The following KIRREL3 variants were observed in gnomAD, a reference collection of about 807,000 sequenced individuals.
KIRREL3 encodes the protein kin of IRRE-like protein 3.
A neutral mutation model predicts 89.7 loss-of-function variants in KIRREL3; 36 were observed. The ratio of observed to expected loss-of-function variants is 0.40; its 90% CI spans 0.31 to 0.53. KIRREL3 has a LOEUF of 0.53. KIRREL3 is among the 20% of genes least tolerant of loss of function. The probability of loss-of-function intolerance (pLI) is 0.49; values close to 1 mark genes in which losing one functional copy is unlikely to be tolerated. For synonymous variants in KIRREL3, 445 were observed against 441.4 expected (o/e 1.01, Z -0.10); for missense variants, 864 against 1,056.6 (o/e 0.82, Z 2.53).
intron 1 of KIRREL3, among the ~76,000 whole-genome samples, chr11:126,770,147 G>T (rs574677969): frequency 1.3e-5 from 2 of 152,050 alleles, no homozygotes; most frequent in Non-Finnish European, 2.9e-5. Context: ...GCCTGAGTTG[G>T]GGGGGAATTT....
chr11:126,804,443 C>G (rs189563603), intron 1 of KIRREL3, among the ~76,000 whole-genome samples: 476 of 152,276 alleles, frequency 3.1e-3, no homozygotes, highest in Non-Finnish European at 5.3e-3. Context: ...CTGAAAGATT[C>G]TCTCCTATGG....
intron 1 of KIRREL3, among the ~76,000 whole-genome samples, chr11:126,821,499 G>T (rs1167040860): frequency 2.0e-5 from 3 of 151,166 alleles, no homozygotes; most frequent in Non-Finnish European, 4.4e-5. Flanking sequence ...TAACTATTAG[G>T]GTCCCCAGCT....
At position 126,454,123 on chromosome 11, in the gene KIRREL3, C is replaced by G. The variant is rs1956265507; in HGVS notation, c.848+2226G>C. Among the ~76,000 whole-genome samples, 1 of 152,200 alleles carries G rather than the reference C, an allele frequency of 6.6e-6. No individual in the cohort carries two copies. The highest frequency in any genetic ancestry group is 1.5e-5 in the Non-Finnish European group (1 of 68,040). Reference sequence around the variant, plus strand: ...CGGATTCACCAGCTGTTAACATTTTCTCACGCGTGCTTTGCGGAGACCTCT... The same window carrying G: ...CGGATTCACCAGCTGTTAACATTTTGTCACGCGTGCTTTGCGGAGACCTCT... On this transcript the variant is annotated intron_variant, in intron 7 of 16. Transcript: ENST00000525144. The surrounding 1 kb of genome is among the most constrained non-coding windows in gnomAD (Gnocchi z 5.8).
rs1456182897 is a variant in KIRREL3 at position 126,490,252 on chromosome 11, C to T, written c.434-16786G>A. Among the ~76,000 whole-genome samples, 1 of 151,474 alleles carries T rather than the reference C, an allele frequency of 6.6e-6. No homozygotes were observed. The highest frequency in any genetic ancestry group is 2.4e-5 in the African/African-American group (1 of 41,158). On this transcript the variant is annotated intron_variant, in intron 4 of 16. Transcript: ENST00000525144. This position sits in a 1 kb window ranked among gnomAD's most constrained non-coding sequence, Gnocchi z 4.2. The stretch of plus-strand genomic sequence containing the variant: ...TGTGGCGGGGGCGGGGGAGGCAAGG[C>T]AGCTTTACTTTCTGTGTATGTTTAT...
chr11:126,654,312 T>C (rs1231210937), intron 1 of KIRREL3, among the ~76,000 whole-genome samples: 2 of 151,184 alleles, frequency 1.3e-5, no homozygotes, highest in African/African-American at 4.9e-5. Context: ...CCCGAGAAGA[T>C]GGATCTAGGA....
intron 1 of KIRREL3, among the ~76,000 whole-genome samples, chr11:126,673,525 G>T (rs117450539): frequency 0.021 from 3,203 of 152,256 alleles, 69 homozygotes; most frequent in Non-Finnish European, 0.026. Flanking sequence ...GCTCCTAAAG[G>T]CAAGGAATTC....
chr11:126,533,453 A>G (rs1336360486), intron 2 of KIRREL3, among the ~76,000 whole-genome samples: 2 of 152,224 alleles, frequency 1.3e-5, no homozygotes, highest in Non-Finnish European at 2.9e-5. Flanking sequence ...AGCTCACTTC[A>G]TCAGTTCTGT....
intron 1 of KIRREL3, among the ~76,000 whole-genome samples, chr11:126,662,730 G>A (rs2135020963): frequency 6.6e-6 from 1 of 152,224 alleles, no homozygotes; most frequent in East Asian, 1.9e-4. Context: ...TTTTGGAGGA[G>A]TCCAAAACAT....
rs1858812324 is a variant in KIRREL3 at position 126,764,485 on chromosome 11, T to A, written c.56-201573A>T. Among the ~76,000 whole-genome samples, 1 of 152,130 alleles carries A rather than the reference T, an allele frequency of 6.6e-6. No individual in the cohort carries two copies. Among genetic ancestry groups the A allele is most frequent in the Non-Finnish European group, 1.5e-5 (1 of 68,020 alleles). ...ACACCGTTTCCAGAAGCAGTGAGGA[T>A]CTTTCATCATATGCGCCTCTGATGC... On this transcript the variant is annotated intron_variant, in intron 1 of 16. Transcript: ENST00000525144. This position sits in a 1 kb window ranked among gnomAD's most constrained non-coding sequence, Gnocchi z 4.2.
chr11:126,837,461 G>T lies in KIRREL3; in HGVS notation c.55+162994C>A, dbSNP rs142815528. 1.3e-5 allele frequency among the ~76,000 whole-genome samples: 2 copies of T among 152,310 alleles called. No individual in the cohort carries two copies. Among genetic ancestry groups the T allele is most frequent in the African/African-American group, 4.8e-5 (2 of 41,572 alleles). ...AGTGGAAGAGAAACCTGGTGAATTG[G>T]TGGGTAGGAGTCTCTATCATGGAAT... On this transcript the variant is annotated intron_variant, in intron 1 of 16. Transcript: ENST00000525144. This position sits in a 1 kb window ranked among gnomAD's most constrained non-coding sequence, Gnocchi z 4.7.
At position 126,605,853 on chromosome 11, in the gene KIRREL3, A is replaced by G. The variant is rs932233201; in HGVS notation, c.56-42941T>C. On this transcript the variant is annotated intron_variant, in intron 1 of 16. Coordinates refer to ENST00000525144, the MANE Select transcript of KIRREL3 (RefSeq NM_032531.4). This position sits in a 1 kb window ranked among gnomAD's most constrained non-coding sequence, Gnocchi z 5.7. ...TAAGCAGAGGGAGTCCTCTCATTGC[A>G]TCTTTCCTCTGGGATCAAATTAGAG... Among the ~76,000 whole-genome samples the G allele has an allele frequency of 1.3e-5, 2 of 152,196 alleles. No individual in the cohort carries two copies. Among genetic ancestry groups the G allele is most frequent in the African/African-American group, 2.4e-5 (1 of 41,442 alleles).
rs1003164597 is a variant in KIRREL3 at position 126,477,804 on chromosome 11, T to C, written c.434-4338A>G. On this transcript the variant is annotated intron_variant, in intron 4 of 16. Coordinates refer to ENST00000525144, the MANE Select transcript of KIRREL3 (RefSeq NM_032531.4). The surrounding 1 kb of genome is among the most constrained non-coding windows in gnomAD (Gnocchi z 4.8). ...GCCTGGGATGGTTGGTCTCTGAGCA[T>C]GGCTGATCGGTGGCAGCTGGAGGGG... Among the ~76,000 whole-genome samples, 1 of 152,130 alleles carries C rather than the reference T, an allele frequency of 6.6e-6. No homozygotes were observed. Among genetic ancestry groups the C allele is most frequent in the Non-Finnish European group, 1.5e-5 (1 of 68,006 alleles).
At position 126,475,108 on chromosome 11, in the gene KIRREL3, T is replaced by C. The variant is rs546885360; in HGVS notation, c.434-1642A>G. Among the ~76,000 whole-genome samples, 1 of 152,290 alleles carries C rather than the reference T, an allele frequency of 6.6e-6. No individual in the cohort carries two copies. The highest frequency in any genetic ancestry group is 2.1e-4 in the South Asian group (1 of 4,828). ...TACACAGCAAACACAGAAGGGGTAG[T>C]TGGATAACGGGGGCGTGGGAACCTA... On this transcript the variant is annotated intron_variant, in intron 4 of 16. Coordinates refer to ENST00000525144, the MANE Select transcript of KIRREL3 (RefSeq NM_032531.4). The surrounding 1 kb of genome is among the most constrained non-coding windows in gnomAD (Gnocchi z 7.5).
chr11:126,662,248 G>A (rs1237586252), intron 1 of KIRREL3, among the ~76,000 whole-genome samples: 4 of 152,128 alleles, frequency 2.6e-5, no homozygotes, highest in Non-Finnish European at 5.9e-5. Flanking sequence ...ATGACTAAGA[G>A]CCCATTACCA....
chr11:126,622,221 G>C lies in KIRREL3; in HGVS notation c.56-59309C>G, dbSNP rs1943602590. The stretch of plus-strand genomic sequence containing the variant: ...GCTAAATCAGCCAGTAGAGAACTTG[G>C]TATTCTTAGAGAAAGTTGTTGCACC... On this transcript the variant is annotated intron_variant, in intron 1 of 16. Coordinates refer to ENST00000525144, the MANE Select transcript of KIRREL3 (RefSeq NM_032531.4). The surrounding 1 kb of genome is among the most constrained non-coding windows in gnomAD (Gnocchi z 5.2). Among the ~76,000 whole-genome samples, 1 of 152,208 alleles carries C rather than the reference G, an allele frequency of 6.6e-6. No individual in the cohort carries two copies. The highest frequency in any genetic ancestry group is 2.4e-5 in the African/African-American group (1 of 41,448).
At chr11:126,437,128 A>C in intron 11 of KIRREL3, 119 bp from the exon 12 acceptor site, 3 of 890,044 alleles carry the variant, frequency 3.4e-6, no homozygotes, top group South Asian at 2.0e-5. Flanking sequence ...ACACTAACAC[A>C]TGTGCACACG....
intron 1 of KIRREL3, among the ~76,000 whole-genome samples, chr11:126,657,417 C>A (rs1945198621): frequency 6.6e-6 from 1 of 152,158 alleles, no homozygotes; most frequent in African/African-American, 2.4e-5. Context: ...AGTAACCAAG[C>A]AAACCAACCC....
Position 126,489,601 on chromosome 11 carries a change from T to C in KIRREL3, c.434-16135A>G, listed in dbSNP as rs1565494565. On this transcript the variant is annotated intron_variant, in intron 4 of 16. Transcript: ENST00000525144. This position sits in a 1 kb window ranked among gnomAD's most constrained non-coding sequence, Gnocchi z 5.5. The stretch of plus-strand genomic sequence containing the variant: ...CTGGATGCAGATGTGTGAATCACCA[T>C]AAGTTTGGACCCAGGACAGCTGGTG... 6.6e-6 allele frequency among the ~76,000 whole-genome samples: 1 copy of C among 152,114 alleles called. No homozygotes were observed.
intron 1 of KIRREL3, among the ~76,000 whole-genome samples, chr11:126,869,840 T>G (rs577421183): frequency 3.2e-4 from 49 of 152,100 alleles, no homozygotes; most frequent in Non-Finnish European, 6.5e-4. Context: ...AGAAGAAAAC[T>G]CCCCTCTGTG....
Sources: allele counts gnomAD v4.1 joint callset (sites outside exome capture counted in the v4.1 genomes callset), GRCh38; gene constraint gnomAD v4.1.1; non-coding constraint Gnocchi (gnomAD v3.1); transcripts MANE v1.5; gene names NCBI Gene and HGNC (gene_info 2026-07-23, HGNC 2026-07-21).